VANGL2: variants seen among roughly 807,000 people sequenced by gnomAD.
The protein encoded by VANGL2 is VANGL planar cell polarity protein 2.
A neutral mutation model predicts 50.2 loss-of-function variants in VANGL2; 14 were observed. That is an observed-to-expected ratio of 0.28 (90% CI 0.18 to 0.44). The LOEUF (loss-of-function observed/expected upper bound fraction) is 0.44. Ranked by LOEUF, VANGL2 falls within the 20% of genes least tolerant of loss-of-function variation. The pLI, the probability that VANGL2 is intolerant of heterozygous loss-of-function variation, is 1.00. For missense variants in VANGL2, 533 were observed against 701.5 expected (o/e 0.76, Z 2.71); for synonymous variants, 295 against 297.2 (o/e 0.99, Z 0.08).
chr1:160,419,212 C>T lies in VANGL2; in HGVS notation c.403C>T (p.Arg135Trp), dbSNP rs757382979. 8.5e-5 allele frequency: 137 copies of T among 1,611,818 alleles called. No homozygotes were observed. The Middle Eastern group carries it at 1.5e-3, about 17-fold the overall frequency. Reference sequence around the variant, plus strand: ...CCTGCTGCTGCCCCCACTGCTGTGGCGGGAGGAGCTGGAGCCTTGCGGGAC... The same window carrying T: ...CCTGCTGCTGCCCCCACTGCTGTGGTGGGAGGAGCTGGAGCCTTGCGGGAC... ...AFLLLPPLLW[R>W]EELEPCGTAC... Residue 135 changes from arginine (R) to tryptophan (W), a missense_variant, in exon 4 of 8, where the codon CGG becomes TGG. Coordinates refer to ENST00000368061, the MANE Select transcript of VANGL2 (RefSeq NM_020335.3). This position sits in a 1 kb window ranked among gnomAD's most constrained non-coding sequence, Gnocchi z 5.8.
intron 1 of VANGL2, among the ~76,000 whole-genome samples, chr1:160,406,662 G>A (rs1290855627): frequency 6.6e-6 from 1 of 152,016 alleles, no homozygotes; most frequent in Non-Finnish European, 1.5e-5. Flanking sequence ...GTTTTCACCA[G>A]AGTGTTCTTG....
intron 6 of VANGL2, among the ~76,000 whole-genome samples, chr1:160,423,118 C>T (rs1237662181): frequency 1.3e-5 from 2 of 152,162 alleles, no homozygotes; most frequent in African/African-American, 4.8e-5. Context: ...GTTGGCCAGG[C>T]TGGTCTTGAA....
intron 6 of VANGL2, 101 bp downstream of exon 6, chr1:160,421,288 T>C: frequency 1.4e-6 from 2 of 1,474,772 alleles, no homozygotes; most frequent in South Asian, 1.2e-5. Context: ...AGGGCAATGA[T>C]GACATGAGTT....
intron 3 of VANGL2, among the ~76,000 whole-genome samples, chr1:160,417,462 A>AGCCTT (rs1324468233): frequency 6.6e-6 from 1 of 152,240 alleles, no homozygotes; most frequent in Non-Finnish European, 1.5e-5. Flanking sequence ...TGGGGACCTC[A>AGCCTT]GCCTGGCCAC....
intron 1 of VANGL2, among the ~76,000 whole-genome samples, chr1:160,414,484 G>A (rs746599857): frequency 4.6e-5 from 7 of 152,248 alleles, no homozygotes; most frequent in South Asian, 4.1e-4. Flanking sequence ...TTCTAGAACC[G>A]CTAAGTTTAA....
At chr1:160,417,662 C>G (rs1412237135) in intron 3 of VANGL2, among the ~76,000 whole-genome samples, 1 of 152,268 alleles carries the variant, frequency 6.6e-6, no homozygotes, top group East Asian at 1.9e-4. Flanking sequence ...CCTTCAGTGG[C>G]TCTCCATGCC....
intron 1 of VANGL2, among the ~76,000 whole-genome samples, chr1:160,411,639 G>A (rs1650883105): frequency 6.6e-6 from 1 of 152,118 alleles, no homozygotes; most frequent in Non-Finnish European, 1.5e-5. Flanking sequence ...AGACAAGCGT[G>A]TTTTGGTGCT....
At position 160,428,665 on chromosome 1, in the gene VANGL2, CTT is replaced by C. The variant is rs1651563315; in HGVS notation, c.*3290_*3291del. 1 of 152,058 alleles carries C rather than the reference CTT, an allele frequency of 6.6e-6. No individual in the cohort carries two copies. Among genetic ancestry groups the C allele is most frequent in the Non-Finnish European group, 1.5e-5 (1 of 67,952 alleles). 9.4% of individuals were successfully genotyped at this position (152,058 alleles called of 1,614,324 possible). A position where few individuals can be genotyped will look rare whatever the true frequency, so the allele number is the denominator to read the frequency against. ...TTTTATATAAAATAAAGACATTTGA[CTT>C]TTGTGGGGGCATTCTGTTGCTTTTC... On this transcript the variant is annotated 3_prime_UTR_variant, in exon 8 of 8. Coordinates refer to ENST00000368061, the MANE Select transcript of VANGL2 (RefSeq NM_020335.3).
At chr1:160,409,847 G>A (rs1038310447) in intron 1 of VANGL2, among the ~76,000 whole-genome samples, 12 of 152,188 alleles carry the variant, frequency 7.9e-5, no homozygotes, top group African/African-American at 2.9e-4. Context: ...CTGAAGGTGG[G>A]CTTCCAGCAC....
intron 1 of VANGL2, 82 bp downstream of exon 1, chr1:160,400,951 G>A (rs1650437665): frequency 6.6e-6 from 1 of 152,364 alleles, no homozygotes; most frequent in African/African-American, 2.4e-5. Context: ...AAATGGAAAA[G>A]GAGGAAAATC....
intron 1 of VANGL2, among the ~76,000 whole-genome samples, chr1:160,408,495 C>T (rs1422108691): frequency 6.6e-6 from 1 of 152,144 alleles, no homozygotes; most frequent in African/African-American, 2.4e-5. Flanking sequence ...GTGCACCCTG[C>T]ACTGGGGTCT....
chr1:160,422,950 G>T (rs1283431903), intron 6 of VANGL2, among the ~76,000 whole-genome samples: 1 of 151,078 alleles, frequency 6.6e-6, no homozygotes, highest in Non-Finnish European at 1.5e-5. Flanking sequence ...CTGTCCCCCA[G>T]GCTGGAGTGC....
chr1:160,420,540 C>T lies in VANGL2; in HGVS notation c.930C>T (p.Leu310=), dbSNP rs781182828. ...TGTCTGGCTTCAAGGTGTATTCCCT[C>T]GGAGAGGGTGAGCAGCCCTGCTCCT... The part of the protein sequence containing the change: ...KKVSGFKVYS[L]GEENSTNNST... Residue 310 remains leucine, a synonymous_variant, in exon 5 of 8, where the codon CTC becomes CTT. Coordinates refer to ENST00000368061, the MANE Select transcript of VANGL2 (RefSeq NM_020335.3). The T allele has an allele frequency of 1.2e-5, 20 of 1,614,070 alleles. No homozygotes were observed. The highest frequency in any genetic ancestry group is 1.6e-4 in the Middle Eastern group (1 of 6,084).
intron 3 of VANGL2, 76 bp downstream of exon 3, chr1:160,416,258 G>A: frequency 1.9e-6 from 3 of 1,609,164 alleles, no homozygotes; most frequent in South Asian, 1.1e-5. Context: ...TCCACGGAGT[G>A]GGGGAGGGCT....
At chr1:160,402,147 G>A (rs946592250) in intron 1 of VANGL2, among the ~76,000 whole-genome samples, 1 of 152,120 alleles carries the variant, frequency 6.6e-6, no homozygotes, top group African/African-American at 2.4e-5. Context: ...GGGTTTTTCT[G>A]GAAGAGGGCG....
intron 1 of VANGL2, among the ~76,000 whole-genome samples, chr1:160,402,887 C>G (rs528861845): frequency 1.3e-5 from 2 of 152,056 alleles, no homozygotes; most frequent in Non-Finnish European, 2.9e-5. Flanking sequence ...CCATTGCACA[C>G]TCTTTTTGCT....
At chr1:160,415,051 A>G (rs767717096) in intron 1 of VANGL2, among the ~76,000 whole-genome samples, 2 of 152,148 alleles carry the variant, frequency 1.3e-5, no homozygotes, top group African/African-American at 2.4e-5. Context: ...GGGGCTGTGC[A>G]TATGTGTGGC....
chr1:160,425,057 G>A, intron 7 of VANGL2, 61 bp from the exon 8 acceptor site: 1 of 1,613,046 alleles, frequency 6.2e-7, no homozygotes, highest in Non-Finnish European at 8.5e-7. Flanking sequence ...TATGACCTAG[G>A]GGATGAAGGA....
chr1:160,421,552 G>A (rs577488834), intron 6 of VANGL2, among the ~76,000 whole-genome samples: 2 of 152,308 alleles, frequency 1.3e-5, no homozygotes, highest in East Asian at 1.9e-4. Context: ...TGATGGTAGT[G>A]CACTTTTTTT....
Sources: allele counts gnomAD v4.1 joint callset (sites outside exome capture counted in the v4.1 genomes callset), GRCh38; gene constraint gnomAD v4.1.1; non-coding constraint Gnocchi (gnomAD v3.1); transcripts MANE v1.5; gene names NCBI Gene and HGNC (gene_info 2026-07-23, HGNC 2026-07-21).